The following ARHGAP31 variants were observed in gnomAD, a reference collection of about 807,000 sequenced individuals.
ARHGAP31 encodes Rho GTPase activating protein 31.
A neutral mutation model predicts 113.9 loss-of-function variants in ARHGAP31; 34 were observed. That is an observed-to-expected ratio of 0.30 (90% CI 0.23 to 0.40). The LOEUF is 0.40. Ranked by LOEUF, ARHGAP31 falls within the 10% of genes least tolerant of loss-of-function variation. ARHGAP31 has a pLI of 1.00. For missense variants in ARHGAP31, 1,548 were observed against 1,767.1 expected (o/e 0.88, Z 2.22); for synonymous variants, 650 against 684.8 (o/e 0.95, Z 0.79).
chr3:119,391,113 A>C, intron 7 of ARHGAP31, 130 bp downstream of exon 7: 1 of 1,004,052 alleles, frequency 1.0e-6, no homozygotes, highest in Non-Finnish European at 1.5e-6. Context: ...GGTTTAAGGA[A>C]ACATTCCAGA....
At chr3:119,364,207 G>C (rs188621273) in intron 1 of ARHGAP31, among the ~76,000 whole-genome samples, 1 of 127,114 alleles carries the variant, frequency 7.9e-6, no homozygotes, top group East Asian at 2.7e-4. Flanking sequence ...TCAATGACTG[G>C]TTTCAATCCA....
chr3:119,409,212 A>G (rs1242852777), intron 10 of ARHGAP31, among the ~76,000 whole-genome samples: 4 of 152,168 alleles, frequency 2.6e-5, no homozygotes, highest in African/African-American at 4.8e-5. Context: ...GACATTGCCA[A>G]ATGTCCACTG....
rs2080788134 is a variant in ARHGAP31 at position 119,417,470 on chromosome 3, G to T, written c.*1206G>T. ...TGCTCAAGAACAGATTTGAGGCCAG[G>T]TGCGGTGCCTCACATCTGTAATCCC... On this transcript the variant is annotated 3_prime_UTR_variant, in exon 12 of 12. Coordinates refer to ENST00000264245, the MANE Select transcript of ARHGAP31 (RefSeq NM_020754.4). 1 of 152,050 alleles carries T rather than the reference G, an allele frequency of 6.6e-6. No homozygotes were observed. The highest frequency in any genetic ancestry group is 2.4e-5 in the African/African-American group (1 of 41,364). 9.4% of individuals were successfully genotyped at this position (152,050 alleles called of 1,614,324 possible). A position where few individuals can be genotyped will look rare whatever the true frequency, so the allele number is the denominator to read the frequency against.
intron 1 of ARHGAP31, among the ~76,000 whole-genome samples, chr3:119,328,825 A>T (rs558767381): frequency 1.3e-5 from 2 of 152,248 alleles, no homozygotes; most frequent in Admixed American, 6.5e-5. Context: ...TATTTTTAAT[A>T]AAGATGGGAT....
At chr3:119,316,346 G>A (rs924399339) in intron 1 of ARHGAP31, among the ~76,000 whole-genome samples, 2 of 152,204 alleles carry the variant, frequency 1.3e-5, no homozygotes, top group Non-Finnish European at 2.9e-5. Flanking sequence ...TACAGGTTGA[G>A]AATAACTTTC....
At chr3:119,311,909 T>C (rs2079686475) in intron 1 of ARHGAP31, among the ~76,000 whole-genome samples, 1 of 152,226 alleles carries the variant, frequency 6.6e-6, no homozygotes. Context: ...AGTCTCTGTC[T>C]GAAGGGAAGA....
At chr3:119,325,072 G>A in intron 1 of ARHGAP31, 1 of 399,490 alleles carries the variant, frequency 2.5e-6, no homozygotes. Context: ...CAGTGTGTTT[G>A]GTGCTAATTA....
chr3:119,312,135 G>A (rs903625784), intron 1 of ARHGAP31, among the ~76,000 whole-genome samples: 1 of 152,240 alleles, frequency 6.6e-6, no homozygotes, highest in African/African-American at 2.4e-5. Context: ...GACTGATAAA[G>A]GAAGTGGAAA....
At chr3:119,311,155 C>T (rs931328319) in intron 1 of ARHGAP31, among the ~76,000 whole-genome samples, 3 of 152,206 alleles carry the variant, frequency 2.0e-5, no homozygotes, top group Non-Finnish European at 4.4e-5. Context: ...GAGTAGACCT[C>T]TGTTACCTCT....
chr3:119,370,006 G>A (rs1186083942), intron 3 of ARHGAP31, among the ~76,000 whole-genome samples: 1 of 151,986 alleles, frequency 6.6e-6, no homozygotes, highest in Non-Finnish European at 1.5e-5. Context: ...TAAAAAATGG[G>A]CATAAATGTT....
intron 1 of ARHGAP31, among the ~76,000 whole-genome samples, chr3:119,321,315 GTATA>G (rs2079783694): frequency 8.0e-6 from 1 of 124,830 alleles, no homozygotes; most frequent in African/African-American, 2.6e-5. Context: ...TATGTATTAT[GTATA>G]TATAATTATA....
At chr3:119,376,127 G>T (rs1462098066) in intron 3 of ARHGAP31, among the ~76,000 whole-genome samples, 1 of 152,096 alleles carries the variant, frequency 6.6e-6, no homozygotes, top group Non-Finnish European at 1.5e-5. Flanking sequence ...CTAGCTTCTG[G>T]AAAATGTTGT....
chr3:119,363,413 C>T (rs1016298398), intron 1 of ARHGAP31, among the ~76,000 whole-genome samples: 3 of 152,176 alleles, frequency 2.0e-5, no homozygotes, highest in Admixed American at 6.5e-5. Flanking sequence ...ACCCTACTCC[C>T]ACGCTGTGCT....
chr3:119,396,462 T>C (rs1301321808), intron 8 of ARHGAP31, among the ~76,000 whole-genome samples: 2 of 152,248 alleles, frequency 1.3e-5, no homozygotes. Flanking sequence ...CCCTGTGGCC[T>C]TAACTATTGC....
In ARHGAP31 at chr3:119,413,879, C is replaced by T. The variant is rs776231439; in HGVS notation, c.1950C>T (p.Ala650=). Residue 650 remains alanine (A), a synonymous_variant, in exon 12 of 12, where the codon GCC becomes GCT. Coordinates refer to ENST00000264245, the MANE Select transcript of ARHGAP31 (RefSeq NM_020754.4). ...HEMDEDDLAN[A]LIWPEIQQEL... Reference sequence around the variant, plus strand: ...AGGATGAAGATGATCTGGCCAATGCCCTGATCTGGCCTGAGATTCAACAGG... The same window carrying T: ...AGGATGAAGATGATCTGGCCAATGCTCTGATCTGGCCTGAGATTCAACAGG... 2 of 1,614,016 alleles carry T rather than the reference C, an allele frequency of 1.2e-6. No individual in the cohort carries two copies. The highest frequency in any genetic ancestry group is 8.5e-7 in the Non-Finnish European group (1 of 1,180,022).
At chr3:119,389,921 T>C (rs2080489183) in intron 6 of ARHGAP31, among the ~76,000 whole-genome samples, 1 of 152,260 alleles carries the variant, frequency 6.6e-6, no homozygotes, top group Non-Finnish European at 1.5e-5. Context: ...TGTGAGGCAC[T>C]GCTCTGTGCA....
intron 10 of ARHGAP31, among the ~76,000 whole-genome samples, chr3:119,408,598 T>C (rs1181323228): frequency 6.6e-6 from 1 of 152,248 alleles, no homozygotes; most frequent in East Asian, 1.9e-4. Context: ...ATGATGCCTT[T>C]GTACCAAGAT....
At chr3:119,387,881 G>A (rs2080466661) in intron 6 of ARHGAP31, among the ~76,000 whole-genome samples, 2 of 152,208 alleles carry the variant, frequency 1.3e-5, no homozygotes, top group South Asian at 4.1e-4. Context: ...AAACATAGCA[G>A]AGTAAGGCAA....
chr3:119,409,052 C>T (rs1377758421), intron 10 of ARHGAP31, among the ~76,000 whole-genome samples: 2 of 152,132 alleles, frequency 1.3e-5, no homozygotes, highest in African/African-American at 4.8e-5. Flanking sequence ...TCAACTTCAG[C>T]ACTACTGACA....
Sources: allele counts gnomAD v4.1 joint callset (sites outside exome capture counted in the v4.1 genomes callset), GRCh38; gene constraint gnomAD v4.1.1; transcripts MANE v1.5; gene names NCBI Gene and HGNC (gene_info 2026-07-23, HGNC 2026-07-21).